ELMO1: variants seen among roughly 807,000 people sequenced by gnomAD.
ELMO1 encodes the protein engulfment and cell motility protein 1.
Under a neutral mutation model 98.9 loss-of-function variants are expected in ELMO1, and 26 were observed. The observed-to-expected ratio is 0.26, with a 90% CI of 0.19 to 0.36. The LOEUF (loss-of-function observed/expected upper bound fraction) is 0.36. ELMO1 is among the 10% of genes least tolerant of loss of function. The pLI, the probability that ELMO1 is intolerant of heterozygous loss-of-function variation, is 1.00. For missense variants in ELMO1, 627 were observed against 935.2 expected (o/e 0.67, Z 4.30); for synonymous variants, 346 against 346.0 (o/e 1.00, Z 0.00).
At chr7:36,876,811 G>T (rs1185151378) in intron 19 of ELMO1, among the ~76,000 whole-genome samples, 1 of 152,182 alleles carries the variant, frequency 6.6e-6, no homozygotes, top group Admixed American at 6.5e-5. Flanking sequence ...CAATGTCCCA[G>T]GCTCTCTGCA....
chr7:36,878,256 GGC>G, intron 18 of ELMO1, 139 bp from the exon 19 acceptor site: 1 of 642,874 alleles, frequency 1.6e-6, no homozygotes, highest in East Asian at 2.7e-5. Flanking sequence ...TGAATTCTAG[GGC>G]CCTGGGCAAT....
intron 2 of ELMO1, among the ~76,000 whole-genome samples, chr7:37,335,679 G>A (rs1038297908): frequency 2.6e-5 from 4 of 152,208 alleles, no homozygotes; most frequent in African/African-American, 9.6e-5. Flanking sequence ...GGAAGCCCTC[G>A]GCAGCCACCC....
intron 4 of ELMO1, among the ~76,000 whole-genome samples, chr7:37,279,776 G>C (rs1797046027): frequency 6.6e-6 from 1 of 152,174 alleles, no homozygotes; most frequent in Admixed American, 6.5e-5. Flanking sequence ...ACTCCACAGG[G>C]AGAAGGAAAT....
At chr7:37,026,564 T>C (rs1040856543) in intron 15 of ELMO1, among the ~76,000 whole-genome samples, 1 of 152,158 alleles carries the variant, frequency 6.6e-6, no homozygotes, top group African/African-American at 2.4e-5. Flanking sequence ...TCATCTAAAC[T>C]TGAGCCCACT....
chr7:37,015,734 G>T (rs953807066), intron 15 of ELMO1, among the ~76,000 whole-genome samples: 4 of 152,248 alleles, frequency 2.6e-5, no homozygotes, highest in African/African-American at 7.2e-5. Flanking sequence ...CCGATATGGA[G>T]GGAAGTGGTG....
chr7:37,010,976 A>C (rs1462327586), intron 16 of ELMO1, among the ~76,000 whole-genome samples: 3 of 152,138 alleles, frequency 2.0e-5, no homozygotes, highest in African/African-American at 7.2e-5. Flanking sequence ...CCTGATGGCT[A>C]TTTGGATGTG....
At chr7:37,197,358 C>T (rs1792024875) in intron 13 of ELMO1, 1 of 152,194 alleles carries the variant, frequency 6.6e-6, no homozygotes, top group Admixed American at 6.5e-5. Flanking sequence ...AAATGCCATC[C>T]CCAGAATTAG....
intron 2 of ELMO1, among the ~76,000 whole-genome samples, chr7:37,324,116 GC>G (rs1177313755): frequency 6.6e-6 from 1 of 151,998 alleles, no homozygotes; most frequent in Non-Finnish European, 1.5e-5. Context: ...GCCCCTCCCT[GC>G]CCCGCCTCTG....
At chr7:36,879,207 A>T (rs868279164) in intron 18 of ELMO1, among the ~76,000 whole-genome samples, 2 of 152,242 alleles carry the variant, frequency 1.3e-5, no homozygotes, top group Admixed American at 6.5e-5. Context: ...GATGACAGTC[A>T]CTGTCTTCAT....
rs535283047 is a variant in ELMO1 at position 36,983,083 on chromosome 7, G to T, written c.1437+30216C>A. ...CTAGTTGTTCATCACCCTCGCCATT[G>T]CTTTGGCCACTGCAAATCATTCCTG... is the stretch of plus-strand genomic sequence containing the variant. On this transcript the variant is annotated intron_variant, in intron 16 of 21. Transcript: ENST00000310758. 3.3e-5 allele frequency among the ~76,000 whole-genome samples: 5 copies of T among 152,314 alleles called. No homozygotes were observed. The South Asian group carries it at 1.0e-3, about 32-fold the overall frequency.
intron 6 of ELMO1, among the ~76,000 whole-genome samples, chr7:37,245,390 T>C (rs545633626): frequency 3.9e-5 from 6 of 152,268 alleles, no homozygotes; most frequent in Middle Eastern, 6.8e-3. Context: ...ACAAACGATT[T>C]TGCTCTTCAG....
chr7:37,323,164 G>C (rs972018147), intron 2 of ELMO1, among the ~76,000 whole-genome samples: 1 of 152,082 alleles, frequency 6.6e-6, no homozygotes, highest in African/African-American at 2.4e-5. Flanking sequence ...TTTAACATTT[G>C]CAAAAATATC....
intron 16 of ELMO1, among the ~76,000 whole-genome samples, chr7:36,944,894 AAAAGC>A (rs746131714): frequency 6.6e-6 from 1 of 152,214 alleles, no homozygotes; most frequent in Non-Finnish European, 1.5e-5. Flanking sequence ...GCCCCACCAG[AAAAGC>A]AAAGGAGCCT....
chr7:37,388,368 G>C (rs1444096729), intron 1 of ELMO1, among the ~76,000 whole-genome samples: 1 of 151,156 alleles, frequency 6.6e-6, no homozygotes, highest in African/African-American at 2.4e-5. Flanking sequence ...TTTGTACAGT[G>C]TTGTAATAAG....
intron 13 of ELMO1, among the ~76,000 whole-genome samples, chr7:37,203,731 G>A (rs552732662): frequency 8.5e-5 from 13 of 152,050 alleles, no homozygotes; most frequent in East Asian, 7.7e-4. Context: ...GGACCCAGGC[G>A]GCAAGGGTCA....
rs1020919279 is a variant in ELMO1 at position 37,058,572 on chromosome 7, G to A, written c.1300+38047C>T. ...CATCAGACTGACTGGAGGTACTGAC[G>A]CGAAATGATTCTGTGTCTGCATGAG... On this transcript the variant is annotated intron_variant, in intron 15 of 21. Transcript: ENST00000310758. Among the ~76,000 whole-genome samples, 6 of 152,114 alleles carry A rather than the reference G, an allele frequency of 3.9e-5. No homozygotes were observed. The South Asian group carries it at 8.3e-4, about 21-fold the overall frequency.
intron 13 of ELMO1, among the ~76,000 whole-genome samples, chr7:37,206,502 T>C (rs1792630997): frequency 6.6e-6 from 1 of 152,208 alleles, no homozygotes; most frequent in Non-Finnish European, 1.5e-5. Context: ...AGGAAAAATA[T>C]AAATATGCAG....
chr7:36,922,311 C>CT (rs1460881635), intron 16 of ELMO1, among the ~76,000 whole-genome samples: 1 of 130,074 alleles, frequency 7.7e-6, no homozygotes, highest in African/African-American at 3.0e-5. Context: ...CACTTTATCA[C>CT]TTTTTTCCCT....
chr7:37,167,938 C>T (rs1789839832), intron 13 of ELMO1, among the ~76,000 whole-genome samples: 1 of 152,068 alleles, frequency 6.6e-6, no homozygotes, highest in African/African-American at 2.4e-5. Context: ...GAGTGTTTTC[C>T]AACTTGGTTC....
Sources: allele counts gnomAD v4.1 joint callset (sites outside exome capture counted in the v4.1 genomes callset), GRCh38; gene constraint gnomAD v4.1.1; transcripts MANE v1.5; gene names NCBI Gene and HGNC (gene_info 2026-07-23, HGNC 2026-07-21).